The following TMEM132B variants were observed in gnomAD, a reference collection of about 807,000 sequenced individuals.
TMEM132B encodes the protein transmembrane protein 132B.
Under a neutral mutation model 90.8 loss-of-function variants are expected in TMEM132B, and 18 were observed. That is an observed-to-expected ratio of 0.20 (90% CI 0.14 to 0.29). The LOEUF is 0.29. Among genes scored for constraint, TMEM132B ranks in the 10% least tolerant of loss-of-function variants. The pLI is 1.00. For synonymous variants in TMEM132B, 504 were observed against 523.3 expected, an observed-to-expected ratio of 0.96 and a Z score of 0.50; for missense variants, 1,096 against 1,326.8, an observed-to-expected ratio of 0.83 and a Z score of 2.70.
intron 1 of TMEM132B, among the ~76,000 whole-genome samples, chr12:125,201,843 C>T (rs1057317562): frequency 1.4e-4 from 22 of 152,188 alleles, no homozygotes; most frequent in South Asian, 4.1e-4. Flanking sequence ...CTTTGCCAGT[C>T]GGTGAGTTCA....
intron 2 of TMEM132B, among the ~76,000 whole-genome samples, chr12:125,361,167 C>T (rs1340829167): frequency 6.6e-6 from 1 of 152,074 alleles, no homozygotes; most frequent in Admixed American, 6.5e-5. Flanking sequence ...GTGGCTCCCA[C>T]CCCCTATGCA....
intron 5 of TMEM132B, among the ~76,000 whole-genome samples, chr12:125,641,179 C>T (rs752091823): frequency 7.2e-5 from 11 of 152,140 alleles, no homozygotes; most frequent in Non-Finnish European, 1.5e-4. Context: ...GAAGGCAGAG[C>T]GAGTACTTGC....
At chr12:125,387,446 C>G (rs1410498128) in intron 2 of TMEM132B, among the ~76,000 whole-genome samples, 1 of 152,204 alleles carries the variant, frequency 6.6e-6, no homozygotes, top group East Asian at 1.9e-4. Flanking sequence ...GCAGTGCCAA[C>G]TGGAGCTTGG....
intron 3 of TMEM132B, among the ~76,000 whole-genome samples, chr12:125,480,840 C>T (rs1284809799): frequency 1.3e-5 from 2 of 152,190 alleles, no homozygotes; most frequent in Non-Finnish European, 2.9e-5. Flanking sequence ...CCCTGATGAA[C>T]ATCAATGCGA....
At chr12:125,422,671 G>A (rs1044110960) in intron 3 of TMEM132B, among the ~76,000 whole-genome samples, 3 of 152,174 alleles carry the variant, frequency 2.0e-5, no homozygotes, top group African/African-American at 7.2e-5. Flanking sequence ...TCCAAGGACT[G>A]GTGTCGTTTT....
At chr12:125,531,185 TG>T (rs1883637745) in intron 4 of TMEM132B, among the ~76,000 whole-genome samples, 1 of 152,152 alleles carries the variant, frequency 6.6e-6, no homozygotes, top group Admixed American at 6.5e-5. Context: ...CTTTTTGTTT[TG>T]TTTTTGTTTT....
chr12:125,511,115 G>T (rs1467402896), intron 3 of TMEM132B, among the ~76,000 whole-genome samples: 2 of 152,144 alleles, frequency 1.3e-5, no homozygotes, highest in Non-Finnish European at 2.9e-5. Flanking sequence ...TGTCTTTATG[G>T]ATTGACCTAC....
At chr12:125,470,037 C>G (rs1032800382) in intron 3 of TMEM132B, among the ~76,000 whole-genome samples, 2 of 152,310 alleles carry the variant, frequency 1.3e-5, no homozygotes, top group South Asian at 2.1e-4. Flanking sequence ...AAGGCACATG[C>G]GGGTTGAAAG....
intron 6 of TMEM132B, among the ~76,000 whole-genome samples, chr12:125,646,041 A>G (rs78994852): frequency 0.068 from 10,353 of 152,264 alleles, 467 homozygotes; most frequent in African/African-American, 0.12. Flanking sequence ...ATCCCAAGTC[A>G]CCTTACAGAA....
intron 4 of TMEM132B, among the ~76,000 whole-genome samples, chr12:125,581,748 A>G (rs1306724706): frequency 6.6e-6 from 1 of 151,956 alleles, no homozygotes; most frequent in Non-Finnish European, 1.5e-5. Flanking sequence ...ATTGAGTTGA[A>G]CTTAGCAGTT....
chr12:125,465,591 T>TC (rs1238892672), intron 3 of TMEM132B, among the ~76,000 whole-genome samples: 2 of 152,206 alleles, frequency 1.3e-5, no homozygotes, highest in Admixed American at 6.5e-5. Flanking sequence ...GGCTTCCTAC[T>TC]CCCTTGAGAG....
At chr12:125,515,329 A>G (rs1274979596) in intron 3 of TMEM132B, among the ~76,000 whole-genome samples, 1 of 151,482 alleles carries the variant, frequency 6.6e-6, no homozygotes, top group Non-Finnish European at 1.5e-5. Context: ...TCTTACAGAA[A>G]CAACACATTC....
In TMEM132B at chr12:125,287,422, C is replaced by G. The variant is rs891397835; in HGVS notation, c.68-62030C>G. Among the ~76,000 whole-genome samples the G allele has an allele frequency of 4.6e-5, 7 of 152,160 alleles. No homozygotes were observed. In the East Asian group the frequency reaches 1.3e-3, roughly 29 times the overall value. On this transcript the variant is annotated intron_variant, in intron 1 of 8. Coordinates refer to ENST00000682704, the MANE Select transcript of TMEM132B (RefSeq NM_001366854.1). ...ATTTAATTCTGTCTACTACAGTACACATAATTTAAATTATTTCATTCTCTA... is the reference window on the plus strand; with the variant it reads ...ATTTAATTCTGTCTACTACAGTACAGATAATTTAAATTATTTCATTCTCTA...
chr12:125,225,852 T>G (rs1593047508), intron 1 of TMEM132B, among the ~76,000 whole-genome samples: 1 of 152,136 alleles, frequency 6.6e-6, no homozygotes. Context: ...ACATGACCAC[T>G]CCTAGCTGCA....
At chr12:125,532,876 G>C (rs931108931) in intron 4 of TMEM132B, among the ~76,000 whole-genome samples, 1 of 152,110 alleles carries the variant, frequency 6.6e-6, no homozygotes, top group Non-Finnish European at 1.5e-5. Context: ...TGTTGACAGC[G>C]AACTAGATTA....
intron 2 of TMEM132B, among the ~76,000 whole-genome samples, chr12:125,395,661 T>C (rs1483310703): frequency 6.6e-6 from 1 of 152,196 alleles, no homozygotes; most frequent in African/African-American, 2.4e-5. Flanking sequence ...TGATTGTTTT[T>C]TGTCAGTGAA....
At chr12:125,329,162 C>T (rs935935736) in intron 1 of TMEM132B, among the ~76,000 whole-genome samples, 3 of 152,170 alleles carry the variant, frequency 2.0e-5, no homozygotes, top group East Asian at 3.9e-4. Context: ...GAAGTACCAG[C>T]GCTTCCTCCC....
intron 1 of TMEM132B, among the ~76,000 whole-genome samples, chr12:125,278,660 G>C (rs1450610015): frequency 6.6e-6 from 1 of 152,074 alleles, no homozygotes; most frequent in Non-Finnish European, 1.5e-5. Context: ...CCAGAGTTTA[G>C]AAAGCCAGCA....
intron 3 of TMEM132B, among the ~76,000 whole-genome samples, chr12:125,470,365 CT>C (rs1183586683): frequency 6.6e-6 from 1 of 152,230 alleles, no homozygotes; most frequent in African/African-American, 2.4e-5. Context: ...AGTCCTGAGC[CT>C]GGCTAGGGGA....
Sources: allele counts gnomAD v4.1 joint callset (sites outside exome capture counted in the v4.1 genomes callset), GRCh38; gene constraint gnomAD v4.1.1; transcripts MANE v1.5; gene names NCBI Gene and HGNC (gene_info 2026-07-23, HGNC 2026-07-21).